Variants in AOX1 observed in about 807,000 individuals in gnomAD.
AOX1 encodes aldehyde oxidase.
Under a neutral mutation model 169.5 loss-of-function variants are expected in AOX1, and 153 were observed. That is an observed-to-expected ratio of 0.90 (90% CI 0.79 to 1.03). The LOEUF (loss-of-function observed/expected upper bound fraction) is 1.03. AOX1 is among the 50% of genes least tolerant of loss of function. The pLI is 0.00. For synonymous variants in AOX1, 562 were observed against 581.9 expected, an observed-to-expected ratio of 0.97 and a Z score of 0.49; for missense variants, 1,656 against 1,663.9, an observed-to-expected ratio of 1.00 and a Z score of 0.08.
At chr2:200,610,471 A>G (rs1230539299) in intron 12 of AOX1, among the ~76,000 whole-genome samples, 1 of 152,248 alleles carries the variant, frequency 6.6e-6, no homozygotes, top group Non-Finnish European at 1.5e-5. Context: ...TGATGTGAAT[A>G]TAGACATCAA....
chr2:200,668,191 C>T lies in AOX1; in HGVS notation c.3610-424C>T, dbSNP rs375472947. ...TGCAATCTCAGCTCACCGCAACCTC[C>T]GCCTCCCAGGTTCAAGCGATTCTCC... is the stretch of plus-strand genomic sequence containing the variant. On this transcript the variant is annotated intron_variant, in intron 32 of 34. Transcript: ENST00000374700. Among the ~76,000 whole-genome samples the T allele has an allele frequency of 7.8e-4, 118 of 151,732 alleles. 1 individual carries two copies. The highest frequency in any genetic ancestry group is 1.8e-3 in the African/African-American group (74 of 41,302).
intron 1 of AOX1, among the ~76,000 whole-genome samples, chr2:200,587,767 A>G (rs1050319191): frequency 6.6e-6 from 1 of 152,200 alleles, no homozygotes; most frequent in African/African-American, 2.4e-5. Context: ...TATAGTAAAC[A>G]CAACACTGGC....
intron 20 of AOX1, among the ~76,000 whole-genome samples, chr2:200,630,685 A>G (rs1419278516): frequency 2.6e-5 from 4 of 152,178 alleles, no homozygotes; most frequent in Admixed American, 6.5e-5. Flanking sequence ...TTGACTCACA[A>G]GTTTGAGTCT....
At chr2:200,656,968 G>T (rs1372118853) in intron 27 of AOX1, 31 bp downstream of exon 27, 6 of 1,431,348 alleles carry the variant, frequency 4.2e-6, no homozygotes, top group African/African-American at 1.4e-5. Context: ...ATTGAGTTGG[G>T]TGTGTGCTTA....
chr2:200,660,152 T>A (rs974009424), intron 29 of AOX1, 83 bp downstream of exon 29: 1 of 1,191,700 alleles, frequency 8.4e-7, no homozygotes, highest in Non-Finnish European at 1.2e-6. Flanking sequence ...TTAATTGAAA[T>A]CTGTAGAAAG....
intron 1 of AOX1, 92 bp from the exon 2 acceptor site, chr2:200,593,054 T>C (rs1394258114): frequency 1.0e-6 from 1 of 981,616 alleles, no homozygotes; most frequent in Non-Finnish European, 1.6e-6. Context: ...AAAGGGCTAA[T>C]TAACATGCAT....
intron 20 of AOX1, among the ~76,000 whole-genome samples, chr2:200,632,026 A>C (rs940984153): frequency 1.3e-5 from 2 of 152,114 alleles, no homozygotes; most frequent in African/African-American, 4.8e-5. Flanking sequence ...AATTTAAAAC[A>C]TCTCATTTTT....
chr2:200,657,184 A>T lies in AOX1; in HGVS notation c.3171+247A>T, dbSNP rs1444091070. Among the ~76,000 whole-genome samples, 105 of 64,740 alleles carry T rather than the reference A, an allele frequency of 1.6e-3. 1 individual carries two copies. The highest frequency in any genetic ancestry group is 5.5e-3 in the African/African-American group (84 of 15,242). 42.5% of individuals were successfully genotyped at this position (64,740 alleles called of 152,430 possible). A position where few individuals can be genotyped will look rare whatever the true frequency, so the allele number is the denominator to read the frequency against. On this transcript the variant is annotated intron_variant, in intron 27 of 34. Coordinates refer to ENST00000374700, the MANE Select transcript of AOX1 (RefSeq NM_001159.4). ...ACCAAAAATATATATATATATATAT[A>T]TATATATTTTTTTTTTTTTTTAATT...
At chr2:200,635,191 TGATTTCAG>T (rs1168691151) in intron 21 of AOX1, among the ~76,000 whole-genome samples, 3 of 152,176 alleles carry the variant, frequency 2.0e-5, no homozygotes, top group African/African-American at 7.2e-5. Context: ...ATAGCCATAT[TGATTTCAG>T]TATTAATAGC....
In AOX1 at chr2:200,645,522, G is replaced by A. The variant is rs144057299; in HGVS notation, c.2847+2721G>A. 1.4e-4 allele frequency among the ~76,000 whole-genome samples: 21 copies of A among 152,192 alleles called. No individual in the cohort carries two copies. In the East Asian group the frequency reaches 2.7e-3, roughly 20 times the overall value. ...CAATGTTCATCAAGGATATTGGTCT[G>A]TAGTTTTCTTTTTTGGTTATGTCCT... On this transcript the variant is annotated intron_variant, in intron 25 of 34. Transcript: ENST00000374700.
chr2:200,647,710 C>T (rs1005103001), intron 25 of AOX1, among the ~76,000 whole-genome samples: 2 of 152,222 alleles, frequency 1.3e-5, no homozygotes, highest in South Asian at 2.1e-4. Flanking sequence ...TCTTCTTCCT[C>T]AGCAACACTG....
downstream of AOX1, among the ~76,000 whole-genome samples, chr2:200,679,124 A>G (rs2036133084): frequency 6.6e-6 from 1 of 152,228 alleles, no homozygotes; most frequent in Non-Finnish European, 1.5e-5. Flanking sequence ...CTTTATTTTT[A>G]GGTAGCCATA....
intron 20 of AOX1, among the ~76,000 whole-genome samples, chr2:200,629,684 A>G (rs887123543): frequency 7.9e-5 from 12 of 152,220 alleles, no homozygotes; most frequent in African/African-American, 2.4e-4. Context: ...AAGAGGGTAC[A>G]TTTCTATCAT....
rs2035860463 is a variant in AOX1, at chr2:200,663,156, A to T, written c.3543+187A>T. On this transcript the variant is annotated intron_variant, in intron 31 of 34. Transcript: ENST00000374700. ...CTTGGTGATCTGGTTGCTGCCATGG[A>T]AAACAACTGGTGGCCTGTCTTTATT... 1.3e-5 allele frequency among the ~76,000 whole-genome samples: 2 copies of T among 152,186 alleles called. No individual in the cohort carries two copies. The highest frequency in any genetic ancestry group is 2.9e-5 in the Non-Finnish European group (2 of 68,032).
intron 4 of AOX1, among the ~76,000 whole-genome samples, chr2:200,597,753 G>A (rs1225987522): frequency 6.6e-6 from 1 of 152,198 alleles, no homozygotes; most frequent in Non-Finnish European, 1.5e-5. Flanking sequence ...CCTGACATTT[G>A]TGGGTTTGTT....
At position 200,604,095 on chromosome 2, in the gene AOX1, A is replaced by C; in HGVS notation, c.667A>C (p.Met223Leu). The change falls in exon 8 of 35, where the codon ATG becomes CTG. Residue 223 changes from methionine (M) to leucine (L), a missense_variant and splice_region_variant. Physicochemically the swap from Met to Leu is conservative, Grantham distance 15. Coordinates refer to ENST00000374700, the MANE Select transcript of AOX1 (RefSeq NM_001159.4). ...GGAACTGATATTTCCTCCTGAGCTAATGGTGAGTAAAGCAATGTTGAGCTC... is the reference window on the plus strand; with the variant it reads ...GGAACTGATATTTCCTCCTGAGCTACTGGTGAGTAAAGCAATGTTGAGCTC... Reference protein sequence around the residue: ...TQELIFPPELMIMAEKQSQRT... With the variant: ...TQELIFPPELLIMAEKQSQRT... 1 of 1,604,792 alleles carries C rather than the reference A, an allele frequency of 6.2e-7. No homozygotes were observed. Among genetic ancestry groups the C allele is most frequent in the Non-Finnish European group, 8.5e-7 (1 of 1,171,504 alleles).
chr2:200,616,540 C>T, intron 16 of AOX1, among the ~76,000 whole-genome samples: 1 of 152,240 alleles, frequency 6.6e-6, no homozygotes, highest in South Asian at 2.1e-4. Flanking sequence ...AGATATTTTA[C>T]TCCCTTAGTC....
intron 29 of AOX1, among the ~76,000 whole-genome samples, chr2:200,660,718 T>G (rs2035803193): frequency 1.3e-5 from 2 of 152,212 alleles, no homozygotes; most frequent in African/African-American, 2.4e-5. Flanking sequence ...GAATGTCAGT[T>G]TTTGCAACCT....
chr2:200,613,551 T>C (rs954078222), intron 14 of AOX1, among the ~76,000 whole-genome samples: 1 of 152,220 alleles, frequency 6.6e-6, no homozygotes, highest in African/African-American at 2.4e-5. Flanking sequence ...GTGGATTTTA[T>C]ATGAGTTGTC....
Sources: gnomAD v4.1 joint callset for allele counts (sites outside exome capture counted in the v4.1 genomes callset) on GRCh38, gnomAD v4.1.1 for gene constraint, MANE v1.5 for transcripts, NCBI Gene and HGNC (gene_info 2026-07-23, HGNC 2026-07-21) for gene names.